PGLYRP4: variants seen among roughly 807,000 people sequenced by gnomAD.
PGLYRP4 encodes the protein PGRP-I-beta.
A neutral mutation model predicts 41.2 loss-of-function variants in PGLYRP4; 39 were observed. That is an observed-to-expected ratio of 0.95 (90% CI 0.73 to 1.24). The LOEUF (loss-of-function observed/expected upper bound fraction) is 1.24, where lower values mean the gene tolerates loss of function less well. PGLYRP4 is among the 50% of genes most tolerant of loss of function. PGLYRP4 has a pLI of 0.00. For missense variants in PGLYRP4, 467 were observed against 460.7 expected (o/e 1.01, Z -0.13); for synonymous variants, 202 against 186.8 (o/e 1.08, Z -0.66).
At position 153,341,907 on chromosome 1, in the gene PGLYRP4, C is replaced by T. The variant is rs560211392; in HGVS notation, c.473-128G>A. ...GAGGAAGAAAAGGGAACAGGTTATGCCCCCAGTTGGAGAGGCTGAGAATTA... is the reference window on the plus strand; with the variant it reads ...GAGGAAGAAAAGGGAACAGGTTATGTCCCCAGTTGGAGAGGCTGAGAATTA... On this transcript the variant is annotated intron_variant, in intron 5 of 8. Transcript: ENST00000359650. 224 of 810,582 alleles carry T rather than the reference C, an allele frequency of 2.8e-4. 1 individual carries two copies. In the African/African-American group the frequency reaches 3.8e-3, roughly 14 times the overall value. 50.2% of individuals were successfully genotyped at this position (810,582 alleles called of 1,614,324 possible). A position where few individuals can be genotyped will look rare whatever the true frequency, so the allele number is the denominator to read the frequency against.
Position 153,330,912 on chromosome 1 carries a change from G to A in PGLYRP4, c.977C>T (p.Ala326Val), listed in dbSNP as rs1331292137. The A allele has an allele frequency of 1.9e-6, 3 of 1,613,946 alleles. No individual in the cohort carries two copies. Among genetic ancestry groups the A allele is most frequent in the Middle Eastern group, 1.7e-4 (1 of 6,058 alleles). The change falls in exon 9 of 9, where the codon GCC becomes GTC. Residue 326 changes from alanine (A) to valine (V), a missense_variant. Ala to Val is a moderately conservative substitution (Grantham distance 64, BLOSUM62 0). Transcript: ENST00000359650. Reference protein sequence around the residue: ...IPPNAAALEAAQDLIQCAMVK... With the variant: ...IPPNAAALEAVQDLIQCAMVK... ...CATGGCACACTGGATCAGGTCTTGG[G>A]CTGCCTCTAGTGCTGCAGCATTGGG... is the stretch of plus-strand genomic sequence containing the variant.
At chr1:153,344,034 A>G (rs988826474) in intron 4 of PGLYRP4, among the ~76,000 whole-genome samples, 3 of 152,162 alleles carry the variant, frequency 2.0e-5, no homozygotes, top group Non-Finnish European at 2.9e-5. Context: ...CAGCTGCAGA[A>G]AGATGTATGG....
chr1:153,340,338 GC>G, intron 7 of PGLYRP4, 42 bp downstream of exon 7: 1 of 1,557,472 alleles, frequency 6.4e-7, no homozygotes, highest in East Asian at 2.2e-5. Context: ...CTCAGTTTCT[GC>G]CCCCAAGGGA....
At chr1:153,347,065 GT>G (rs1188669086) in intron 2 of PGLYRP4, among the ~76,000 whole-genome samples, 1 of 151,996 alleles carries the variant, frequency 6.6e-6, no homozygotes, top group Non-Finnish European at 1.5e-5. Flanking sequence ...TTTTCGTTTT[GT>G]TTTGTTTTTT....
Position 153,340,476 on chromosome 1 carries a change from C to G in PGLYRP4, c.729G>C (p.Gly243=), listed in dbSNP as rs1220917871. 8.1e-6 allele frequency: 13 copies of G among 1,614,182 alleles called. No homozygotes were observed. Among genetic ancestry groups the G allele is most frequent in the Non-Finnish European group, 1.1e-5 (13 of 1,180,024 alleles). ...ACTCATCAGAAATGTTGCAGGTCCT[C>G]CCGGCAGTGTGGATAATGATGCCAT... ...AKYGIIIHTA[G]RTCNISDECR... Residue 243 remains glycine, a synonymous_variant, in exon 7 of 9, where the codon GGG becomes GGC. Transcript: ENST00000359650.
chr1:153,342,556 A>G (rs775624695), intron 5 of PGLYRP4, among the ~76,000 whole-genome samples: 3 of 152,256 alleles, frequency 2.0e-5, no homozygotes, highest in Non-Finnish European at 2.9e-5. Flanking sequence ...CCTGGAGTAC[A>G]TATGTTAAGA....
Position 153,336,369 on chromosome 1 carries a change from C to CAAAAAAAAA in PGLYRP4, c.943+803_943+811dup, listed in dbSNP as rs58665160. On this transcript the variant is annotated intron_variant, in intron 8 of 8. Coordinates refer to ENST00000359650, the MANE Select transcript of PGLYRP4 (RefSeq NM_020393.4). The stretch of plus-strand genomic sequence containing the variant: ...TGGGTGACAGAGCGAGACTCCATCT[C>CAAAAAAAAA]AAAAAAAAAAAAAAAAAAAAAAACA... Among the ~76,000 whole-genome samples the CAAAAAAAAA allele has an allele frequency of 4.4e-4, 34 of 76,492 alleles. 1 individual carries two copies. The highest frequency in any genetic ancestry group is 1.5e-3 in the African/African-American group (27 of 17,484). The allele number at this position is 76,492 out of a possible 152,430, so 50.2% of individuals were successfully genotyped here. A position where few individuals can be genotyped will look rare whatever the true frequency, so the allele number is the denominator to read the frequency against.
chr1:153,339,445 G>A lies in PGLYRP4; in HGVS notation c.824+936C>T, dbSNP rs1660702560. ...GCCCAGAATCGTGTACCAAGCAATG[G>A]TAAATTCATCGCTAAGCCATAAATG... On this transcript the variant is annotated intron_variant, in intron 7 of 8. Coordinates refer to ENST00000359650, the MANE Select transcript of PGLYRP4 (RefSeq NM_020393.4). Among the ~76,000 whole-genome samples, 3 of 152,204 alleles carry A rather than the reference G, an allele frequency of 2.0e-5. No individual in the cohort carries two copies. In the South Asian group the frequency reaches 6.2e-4, roughly 31 times the overall value.
chr1:153,339,950 G>A (rs971692029), intron 7 of PGLYRP4, among the ~76,000 whole-genome samples: 3 of 152,196 alleles, frequency 2.0e-5, no homozygotes, highest in African/African-American at 7.2e-5. Context: ...GAAGCAGCAC[G>A]GGTCTACCAT....
chr1:153,344,200 T>C (rs1243610990), intron 4 of PGLYRP4, among the ~76,000 whole-genome samples: 8 of 152,256 alleles, frequency 5.3e-5, no homozygotes, highest in African/African-American at 1.9e-4. Flanking sequence ...CTCTCAGTTT[T>C]GTTTTTTCTA....
Position 153,330,794 on chromosome 1 carries a change from G to T in PGLYRP4, c.1095C>A (p.Ile365=). The change falls in exon 9 of 9, where the codon ATC becomes ATA. Residue 365 remains isoleucine, a synonymous_variant. Coordinates refer to ENST00000359650, the MANE Select transcript of PGLYRP4 (RefSeq NM_020393.4). ...LSPGQALYNI[I]STWPHFKH is the part of the protein sequence containing the mutation. The stretch of plus-strand genomic sequence containing the variant: ...AGTGTTTGAAATGAGGCCAGGTGCT[G>T]ATGATGTTGTACAAAGCCTGCCCAG... The T allele has an allele frequency of 6.2e-7, 1 of 1,613,998 alleles. No individual in the cohort carries two copies. The highest frequency in any genetic ancestry group is 1.1e-5 in the South Asian group (1 of 91,078).
chr1:153,346,240 T>A (rs902319405), intron 2 of PGLYRP4, 49 bp from the exon 3 acceptor site: 2 of 1,381,264 alleles, frequency 1.4e-6, no homozygotes, highest in Non-Finnish European at 2.1e-6. Context: ...ATACCAGCCA[T>A]CATGGTGGCA....
At chr1:153,343,946 T>C (rs1470982902) in intron 4 of PGLYRP4, among the ~76,000 whole-genome samples, 1 of 152,224 alleles carries the variant, frequency 6.6e-6, no homozygotes, top group Non-Finnish European at 1.5e-5. Context: ...TGGGCCTTAA[T>C]AAGCACATTC....
At chr1:153,342,999 C>T (rs1660860356) in intron 5 of PGLYRP4, 91 bp downstream of exon 5, 2 of 739,318 alleles carry the variant, frequency 2.7e-6, no homozygotes, top group Admixed American at 2.1e-5. Flanking sequence ...GATAAGACAG[C>T]AGAGTAGCAG....
In PGLYRP4 at chr1:153,337,277, C is replaced by T. The variant is rs547753918; in HGVS notation, c.847G>A (p.Ala283Thr). 1.5e-5 allele frequency: 24 copies of T among 1,610,958 alleles called. No homozygotes were observed. In the East Asian group the frequency reaches 2.2e-4, roughly 15 times the overall value. ...GYNFLVGQDGAIYEGVGWNVQ... is the reference protein window; with the variant it reads ...GYNFLVGQDGTIYEGVGWNVQ... ...TTCCAGCCCACCCCTTCATAAATGG[C>T]GCCATCCTGGCCCACCAGGAAGCTA... The change falls in exon 8 of 9, where the codon GCC becomes ACC. Residue 283 changes from alanine (A) to threonine (T), a missense_variant. Physicochemically the swap from Ala to Thr is moderately conservative, Grantham distance 58. Transcript: ENST00000359650.
At position 153,332,569 on chromosome 1, in the gene PGLYRP4, A is replaced by G. The variant is rs1192126641; in HGVS notation, c.944-1624T>C. On this transcript the variant is annotated intron_variant, in intron 8 of 8. Transcript: ENST00000359650. ...ACAGAACTTTCTAGTCAACAATGTT[A>G]GAATATATATTCATCTCTTCTGCAC... Among the ~76,000 whole-genome samples, 4 of 152,346 alleles carry G rather than the reference A, an allele frequency of 2.6e-5. No individual in the cohort carries two copies. The South Asian group carries it at 6.2e-4, about 24-fold the overall frequency.
At chr1:153,335,721 C>CTAAA (rs71584104) in intron 8 of PGLYRP4, among the ~76,000 whole-genome samples, 1,130 of 37,036 alleles carry the variant, frequency 0.031, 18 homozygotes, top group African/African-American at 0.094. Context: ...AAGACTCTGT[C>CTAAA]TAAATAAATA....
At chr1:153,345,982 C>T (rs938599172) in intron 3 of PGLYRP4, 120 bp downstream of exon 3, 6 of 775,656 alleles carry the variant, frequency 7.7e-6, no homozygotes, top group Non-Finnish European at 1.4e-5. Flanking sequence ...GCTCTCTGCA[C>T]TTCAACCCCA....
At chr1:153,340,707 C>T in intron 6 of PGLYRP4, 128 bp from the exon 7 acceptor site, 1 of 788,182 alleles carries the variant, frequency 1.3e-6, no homozygotes, top group Non-Finnish European at 2.0e-6. Context: ...CCACCCTGCC[C>T]CCAACCACCC....
Sources: gnomAD v4.1 joint callset for allele counts (sites outside exome capture counted in the v4.1 genomes callset) on GRCh38, gnomAD v4.1.1 for gene constraint, MANE v1.5 for transcripts, NCBI Gene and HGNC (gene_info 2026-07-23, HGNC 2026-07-21) for gene names.